Variants in CEP55 observed in about 807,000 individuals in gnomAD.
CEP55 encodes the protein centrosomal protein 55, also known as centrosomal protein of 55 kDa.
A neutral mutation model predicts 63.2 loss-of-function variants in CEP55; 57 were observed. That is an observed-to-expected ratio of 0.90 (90% confidence interval 0.73 to 1.13). CEP55 has a LOEUF of 1.13. Among genes scored for constraint, CEP55 ranks in the 50% most tolerant of loss-of-function variants. CEP55 has a pLI of 0.00. For missense variants in CEP55, 456 were observed against 518.9 expected, an observed-to-expected ratio of 0.88 and a Z score of 1.18; for synonymous variants, 178 against 191.6, an observed-to-expected ratio of 0.93 and a Z score of 0.59.
chr10:93,516,986 C>CA lies in CEP55; in HGVS notation c.738dup (p.Asp247ArgfsTer3). 1.2e-6 allele frequency: 2 copies of CA among 1,602,596 alleles called. No individual in the cohort carries two copies. Among genetic ancestry groups the CA allele is most frequent in the East Asian group, 2.2e-5 (1 of 44,596 alleles). ...TGTTACAACGATCTCTTGGCAAGTG[C>CA]AAAAAAAGATCTTGAGGTTGAACGA... On this transcript the variant is annotated frameshift_variant, in exon 6 of 9. Transcript: ENST00000371485. LOFTEE classifies it high-confidence loss of function.
At chr10:93,503,072 G>T in intron 2 of CEP55, 41 bp from the exon 3 acceptor site, 2 of 1,564,990 alleles carry the variant, frequency 1.3e-6, no homozygotes, top group South Asian at 2.3e-5. Flanking sequence ...CTAGATGTTT[G>T]ACCTGGCTTT....
At chr10:93,497,715 G>A (rs1218409987) in intron 1 of CEP55, among the ~76,000 whole-genome samples, 3 of 151,292 alleles carry the variant, frequency 2.0e-5, no homozygotes, top group South Asian at 2.1e-4. Context: ...ACTAGATTGT[G>A]TAGGGGTGGG....
rs201430235 is a variant in CEP55 at position 93,528,032 on chromosome 10, C to A, written c.1274C>A (p.Ser425Ter). Residue 425 changes from serine to a stop codon, truncating the protein, a stop_gained, in exon 9 of 9, where the codon TCA becomes TAA. Transcript: ENST00000371485. LOFTEE classifies it high-confidence loss of function. ...ETENREKVAA[S>*]PKSPTAALNE... ...GAAAACAGAGAAAAAGTTGCCGCCT[C>A]ACCAAAAAGTCCCACTGCTGCACTC... The A allele has an allele frequency of 6.8e-6, 11 of 1,614,072 alleles. No individual in the cohort carries two copies. The highest frequency in any genetic ancestry group is 7.6e-6 in the Non-Finnish European group (9 of 1,180,018).
intron 8 of CEP55, among the ~76,000 whole-genome samples, chr10:93,523,060 A>T (rs2057880392): frequency 6.6e-6 from 1 of 152,220 alleles, no homozygotes. Context: ...CTAACATCAT[A>T]ATGACAGGGT....
At chr10:93,521,424 G>A (rs887811443) in intron 8 of CEP55, among the ~76,000 whole-genome samples, 8 of 152,240 alleles carry the variant, frequency 5.3e-5, no homozygotes, top group East Asian at 3.9e-4. Flanking sequence ...GCTGAGGCTC[G>A]AGTAAGTAAA....
intron 8 of CEP55, 38 bp downstream of exon 8, chr10:93,519,845 C>A: frequency 6.2e-7 from 1 of 1,610,768 alleles, no homozygotes. Flanking sequence ...TTGTCTTCGT[C>A]TTCCATTTAT....
Position 93,521,632 on chromosome 10 carries a change from C to T in CEP55, c.1191+1825C>T, listed in dbSNP as rs545926832. On this transcript the variant is annotated intron_variant, in intron 8 of 8. Coordinates refer to ENST00000371485, the MANE Select transcript of CEP55 (RefSeq NM_018131.5). The stretch of plus-strand genomic sequence containing the variant: ...CAGCACGCAGCTTGAGATCTGAGAA[C>T]GGACAGACTGCCTCTACAAGTGGGT... Among the ~76,000 whole-genome samples, 74 of 152,270 alleles carry T rather than the reference C, an allele frequency of 4.9e-4. 1 individual carries two copies. The highest frequency in any genetic ancestry group is 8.4e-4 in the African/African-American group (35 of 41,542).
intron 8 of CEP55, among the ~76,000 whole-genome samples, chr10:93,525,926 A>G (rs2057917104): frequency 6.6e-6 from 1 of 152,206 alleles, no homozygotes; most frequent in South Asian, 2.1e-4. Context: ...CACCTTATAC[A>G]AAAATTAATT....
At chr10:93,504,241 G>A (rs11593148) in intron 3 of CEP55, among the ~76,000 whole-genome samples, 37,768 of 152,078 alleles carry the variant, frequency 0.25, 4,945 homozygotes, top group African/African-American at 0.33. Flanking sequence ...GGGAGGCCAA[G>A]GCAGGCAGAT....
intron 8 of CEP55, among the ~76,000 whole-genome samples, chr10:93,524,465 A>G (rs1189854380): frequency 1.3e-5 from 2 of 152,196 alleles, no homozygotes; most frequent in Non-Finnish European, 2.9e-5. Context: ...CCAACCAAAA[A>G]GAGTCCAGGA....
chr10:93,506,971 T>C lies in CEP55; in HGVS notation c.460-17T>C. ...TTGTGGAATGTCTGATGTTAACTAA[T>C]GTTGGATTATTTACAGACTGTGGCT... is the stretch of plus-strand genomic sequence containing the variant. On this transcript the variant is annotated splice_polypyrimidine_tract_variant and intron_variant, in intron 3 of 8. Coordinates refer to ENST00000371485, the MANE Select transcript of CEP55 (RefSeq NM_018131.5). The C allele has an allele frequency of 6.7e-7, 1 of 1,493,018 alleles. No homozygotes were observed. The highest frequency in any genetic ancestry group is 9.3e-7 in the Non-Finnish European group (1 of 1,069,708). The allele number at this position is 1,493,018 out of a possible 1,614,324, so 92.5% of individuals were successfully genotyped here.
intron 4 of CEP55, among the ~76,000 whole-genome samples, chr10:93,511,881 C>T (rs1273918481): frequency 6.6e-6 from 1 of 151,486 alleles, no homozygotes; most frequent in African/African-American, 2.4e-5. Context: ...GGATTACAGG[C>T]GTGAGCCACT....
intron 4 of CEP55, among the ~76,000 whole-genome samples, chr10:93,509,014 A>ATTCT: frequency 6.6e-6 from 1 of 152,198 alleles, no homozygotes; most frequent in Non-Finnish European, 1.5e-5. Context: ...TGAAAGAATG[A>ATTCT]CTGGATGGAA....
intron 4 of CEP55, 21 bp downstream of exon 4, chr10:93,507,077 G>T: frequency 1.5e-6 from 2 of 1,368,694 alleles, no homozygotes; most frequent in Non-Finnish European, 2.1e-6. Context: ...TTCCTTTTAA[G>T]TTATGGGTAA....
intron 8 of CEP55, among the ~76,000 whole-genome samples, chr10:93,527,708 C>G (rs1373092084): frequency 6.7e-6 from 1 of 149,216 alleles, no homozygotes; most frequent in Non-Finnish European, 1.5e-5. Flanking sequence ...GTAGAATTTT[C>G]TATTTCTACA....
intron 4 of CEP55, among the ~76,000 whole-genome samples, chr10:93,510,980 C>T (rs989196493): frequency 3.4e-5 from 5 of 149,166 alleles, no homozygotes; most frequent in South Asian, 2.1e-4. Context: ...ACTCTGTCGC[C>T]GAGGCTGTAG....
rs1370908958 is a variant in CEP55, at chr10:93,517,268, T to A, written c.993+20T>A. On this transcript the variant is annotated intron_variant, in intron 6 of 8. Coordinates refer to ENST00000371485, the MANE Select transcript of CEP55 (RefSeq NM_018131.5). ...TCTCAGGTAAACTTAACCAGATCCATAATTCAGAGTGTTCACCGAACACTT... is the reference window on the plus strand; with the variant it reads ...TCTCAGGTAAACTTAACCAGATCCAAAATTCAGAGTGTTCACCGAACACTT... 1 of 1,555,754 alleles carries A rather than the reference T, an allele frequency of 6.4e-7. No individual in the cohort carries two copies. Among genetic ancestry groups the A allele is most frequent in the African/African-American group, 1.4e-5 (1 of 72,640 alleles).
At position 93,500,157 on chromosome 10, in the gene CEP55, C is replaced by T. The variant is rs771216752; in HGVS notation, c.106C>T (p.His36Tyr). ...AGAAAAATTAAAGGGAGAAATTGCA[C>T]ACTTAAAGACATCAGTGGATGAAAT... ...TLEKLKGEIA[H>Y]LKTSVDEITS... The change falls in exon 2 of 9, where the codon CAC becomes TAC. Residue 36 changes from histidine (H) to tyrosine (Y), a missense_variant. Transcript: ENST00000371485. 1 of 1,613,674 alleles carries T rather than the reference C, an allele frequency of 6.2e-7. No individual in the cohort carries two copies. Among genetic ancestry groups the T allele is most frequent in the South Asian group, 1.1e-5 (1 of 91,038 alleles).
At chr10:93,512,932 A>T (rs2057767874) in intron 4 of CEP55, among the ~76,000 whole-genome samples, 1 of 152,222 alleles carries the variant, frequency 6.6e-6, no homozygotes, top group African/African-American at 2.4e-5. Flanking sequence ...CCCAATTTTT[A>T]TTACGAAAAA....
Sources: gnomAD v4.1 joint callset for allele counts (sites outside exome capture counted in the v4.1 genomes callset) on GRCh38, gnomAD v4.1.1 for gene constraint, MANE v1.5 for transcripts, NCBI Gene and HGNC (gene_info 2026-07-23, HGNC 2026-07-21) for gene names.